Variants in NR5A2 observed in about 807,000 individuals in gnomAD.
The protein encoded by NR5A2 is nuclear receptor subfamily 5 group A member 2.
In NR5A2, 26 loss-of-function variants were observed where a neutral mutation model predicts 62.7. The ratio of observed to expected loss-of-function variants is 0.41; its 90% confidence interval spans 0.30 to 0.58. The LOEUF (loss-of-function observed/expected upper bound fraction) is 0.58, where lower values mean the gene tolerates loss of function less well. Ranked by LOEUF, NR5A2 falls within the 20% of genes least tolerant of loss-of-function variation. The pLI is 0.22. For synonymous variants in NR5A2, 246 were observed against 241.7 expected, an observed-to-expected ratio of 1.02 and a Z score of -0.16; for missense variants, 541 against 669.1, an observed-to-expected ratio of 0.81 and a Z score of 2.11.
intron 7 of NR5A2, among the ~76,000 whole-genome samples, chr1:200,140,017 A>G (rs925635834): frequency 2.6e-5 from 4 of 152,128 alleles, no homozygotes. Flanking sequence ...GGTTTTGATT[A>G]TCTTTTTATT....
intron 5 of NR5A2, among the ~76,000 whole-genome samples, chr1:200,090,238 T>C (rs1426281260): frequency 6.6e-6 from 1 of 152,236 alleles, no homozygotes; most frequent in African/African-American, 2.4e-5. Context: ...TCATTTATGA[T>C]TATATGCAAA....
intron 5 of NR5A2, among the ~76,000 whole-genome samples, chr1:200,091,428 C>T (rs1185481504): frequency 6.6e-6 from 1 of 151,826 alleles, no homozygotes; most frequent in East Asian, 1.9e-4. Context: ...ACTGGTGGAG[C>T]CTGTTTCTGT....
chr1:200,107,085 G>A lies in NR5A2; in HGVS notation c.1111-4117G>A, dbSNP rs577458927. Among the ~76,000 whole-genome samples, 3 of 152,328 alleles carry A rather than the reference G, an allele frequency of 2.0e-5. No homozygotes were observed. The South Asian group carries it at 6.2e-4, about 32-fold the overall frequency. On this transcript the variant is annotated intron_variant, in intron 5 of 7. Transcript: ENST00000367362. The stretch of plus-strand genomic sequence containing the variant: ...TCAGTCAAGTCTTTACCAAGGGCCA[G>A]CTGTGGGTGCAGACCTGCAGGGCAC...
intron 5 of NR5A2, among the ~76,000 whole-genome samples, chr1:200,076,211 A>T (rs1012247488): frequency 1.3e-5 from 2 of 152,208 alleles, no homozygotes; most frequent in African/African-American, 4.8e-5. Flanking sequence ...ATGATGATAA[A>T]GTTTTCCTGT....
intron 7 of NR5A2, among the ~76,000 whole-genome samples, chr1:200,153,767 G>GA (rs1376589177): frequency 2.0e-5 from 3 of 151,722 alleles, no homozygotes; most frequent in Non-Finnish European, 4.4e-5. Context: ...CTTTAGGTAA[G>GA]AAAAAATAAA....
intron 5 of NR5A2, among the ~76,000 whole-genome samples, chr1:200,056,521 G>A (rs1287328469): frequency 1.3e-5 from 2 of 152,088 alleles, no homozygotes; most frequent in African/African-American, 4.8e-5. Context: ...TGCCAATCCT[G>A]ATCTGTTTTT....
intron 7 of NR5A2, among the ~76,000 whole-genome samples, chr1:200,166,475 A>T (rs933903762): frequency 1.3e-5 from 2 of 152,224 alleles, no homozygotes; most frequent in Non-Finnish European, 2.9e-5. Context: ...TGTCAAATGT[A>T]TATTATTTCA....
intron 5 of NR5A2, among the ~76,000 whole-genome samples, chr1:200,105,001 G>A (rs6695159): frequency 0.4 from 61,055 of 151,760 alleles, 12,556 homozygotes; most frequent in Non-Finnish European, 0.45. Flanking sequence ...GCTCTGTTGC[G>A]CAGACTGAGT....
At chr1:200,130,774 T>C (rs532445084) in intron 7 of NR5A2, among the ~76,000 whole-genome samples, 1 of 152,108 alleles carries the variant, frequency 6.6e-6, no homozygotes, top group Admixed American at 6.5e-5. Context: ...TATGATTACA[T>C]ACTCACCCAC....
chr1:200,098,054 A>G (rs908428413), intron 5 of NR5A2, among the ~76,000 whole-genome samples: 3 of 152,166 alleles, frequency 2.0e-5, no homozygotes, highest in Non-Finnish European at 2.9e-5. Flanking sequence ...GTGCCTTACA[A>G]TGTTGTAAAT....
chr1:200,174,507 C>A lies in NR5A2; in HGVS notation c.*297C>A. ...TTGAACTCACAGATGGATACCAACA[C>A]GGTCAGAAGAAAAACGGACAGAACG... On this transcript the variant is annotated 3_prime_UTR_variant, in exon 8 of 8. Coordinates refer to ENST00000367362, the MANE Select transcript of NR5A2 (RefSeq NM_205860.3). The A allele has an allele frequency of 4.7e-6, 1 of 211,134 alleles. No individual in the cohort carries two copies. Among genetic ancestry groups the A allele is most frequent in the Non-Finnish European group, 9.3e-6 (1 of 107,428 alleles). 13.1% of individuals were successfully genotyped at this position (211,134 alleles called of 1,614,324 possible).
intron 7 of NR5A2, among the ~76,000 whole-genome samples, chr1:200,153,866 A>G (rs1653250471): frequency 6.6e-6 from 1 of 152,302 alleles, no homozygotes; most frequent in Admixed American, 6.5e-5. Context: ...AACACAGATG[A>G]AAGCAAAGAC....
At chr1:200,097,596 G>A (rs1215442371) in intron 5 of NR5A2, among the ~76,000 whole-genome samples, 1 of 152,152 alleles carries the variant, frequency 6.6e-6, no homozygotes, top group East Asian at 1.9e-4. Flanking sequence ...ATTATATTCA[G>A]ATATAAACCC....
Position 200,174,270 on chromosome 1 carries a change from GGAA to G in NR5A2, c.*67_*69del, listed in dbSNP as rs1023453606. The G allele has an allele frequency of 1.8e-5, 26 of 1,452,328 alleles. No homozygotes were observed. The African/African-American group carries it at 3.0e-4, about 17-fold the overall frequency. The allele number at this position is 1,452,328 out of a possible 1,614,324, so 90.0% of individuals were successfully genotyped here. A position where few individuals can be genotyped will look rare whatever the true frequency, so the allele number is the denominator to read the frequency against. On this transcript the variant is annotated 3_prime_UTR_variant, in exon 8 of 8. Coordinates refer to ENST00000367362, the MANE Select transcript of NR5A2 (RefSeq NM_205860.3). ...AAAGAGATTGGGGGAGTGGGGAGGGGGAAGAAGAACAGGAAGAAAAAAAGTACT... is the reference window on the plus strand; with the variant it reads ...AAAGAGATTGGGGGAGTGGGGAGGGGGAAGAACAGGAAGAAAAAAAGTACT...
intron 5 of NR5A2, among the ~76,000 whole-genome samples, chr1:200,083,164 CTG>C (rs1664370047): frequency 1.3e-5 from 2 of 152,132 alleles, no homozygotes; most frequent in South Asian, 4.1e-4. Flanking sequence ...TGAGACTTCA[CTG>C]TCATTATTGT....
intron 5 of NR5A2, among the ~76,000 whole-genome samples, chr1:200,103,573 G>C (rs994872393): frequency 6.6e-6 from 1 of 152,134 alleles, no homozygotes; most frequent in Non-Finnish European, 1.5e-5. Context: ...AGTTGACATG[G>C]GAAAGGACAT....
intron 5 of NR5A2, among the ~76,000 whole-genome samples, chr1:200,099,668 A>C (rs1665273311): frequency 6.6e-6 from 1 of 152,110 alleles, no homozygotes; most frequent in East Asian, 1.9e-4. Flanking sequence ...ATCTCAGCTC[A>C]CTGCAACCTC....
At chr1:200,129,916 G>A (rs1291066481) in intron 7 of NR5A2, among the ~76,000 whole-genome samples, 2 of 152,202 alleles carry the variant, frequency 1.3e-5, no homozygotes, top group East Asian at 1.9e-4. Context: ...TGTATGGGGG[G>A]CACTGTTGGA....
chr1:200,031,285 C>T (rs553773030), intron 1 of NR5A2, among the ~76,000 whole-genome samples: 252 of 152,236 alleles, frequency 1.7e-3, no homozygotes, highest in Non-Finnish European at 2.5e-3. Context: ...TGGAGGATCA[C>T]TTGGGCCCAG....
Sources: allele counts gnomAD v4.1 joint callset (sites outside exome capture counted in the v4.1 genomes callset), GRCh38; gene constraint gnomAD v4.1.1; transcripts MANE v1.5; gene names NCBI Gene and HGNC (gene_info 2026-07-23, HGNC 2026-07-21).